ESRRB: variants seen among roughly 807,000 people sequenced by gnomAD.
The protein encoded by ESRRB is steroid hormone receptor ERR2.
A neutral mutation model predicts 46.0 loss-of-function variants in ESRRB; 16 were observed. The ratio of observed to expected loss-of-function variants is 0.35; its 90% CI spans 0.24 to 0.53. The LOEUF (loss-of-function observed/expected upper bound fraction) is 0.53, where lower values mean the gene tolerates loss of function less well. Ranked by LOEUF, ESRRB falls within the 20% of genes least tolerant of loss-of-function variation. ESRRB has a pLI of 0.93. For synonymous variants in ESRRB, 246 were observed against 259.6 expected (o/e 0.95, Z 0.50); for missense variants, 488 against 607.4 (o/e 0.80, Z 2.07).
At position 76,491,455 on chromosome 14, in the gene ESRRB, A is replaced by G. The variant is rs1340219544; in HGVS notation, c.859A>G (p.Ser287Gly). The change falls in exon 6 of 7, where the codon AGC becomes GGC. Residue 287 changes from serine to glycine, a missense_variant. Transcript: ENST00000644823. ...GWAKHIPGFS[S>G]LSLGDQMSLL... is the part of the protein sequence containing the mutation. ...GCCCCCTCTTCCTGCAGGCTTCTCA[A>G]GCCTCTCCCTGGGGGACCAGATGAG... 3 of 1,608,698 alleles carry G rather than the reference A, an allele frequency of 1.9e-6. No homozygotes were observed. The highest frequency in any genetic ancestry group is 1.3e-5 in the African/African-American group (1 of 74,872).
intron 1 of ESRRB, among the ~76,000 whole-genome samples, chr14:76,355,982 C>T (rs1197207679): frequency 5.3e-5 from 8 of 152,236 alleles, no homozygotes; most frequent in Non-Finnish European, 8.8e-5. Context: ...GCAGGGGACT[C>T]TCTGGGCTCC....
intron 3 of ESRRB, among the ~76,000 whole-genome samples, chr14:76,466,711 G>T (rs181944422): frequency 6.6e-6 from 1 of 150,958 alleles, no homozygotes; most frequent in Non-Finnish European, 1.5e-5. Context: ...ATTTTTGCCC[G>T]TGTAATTTTT....
chr14:76,394,433 T>C (rs985448500), intron 1 of ESRRB, among the ~76,000 whole-genome samples: 3 of 152,238 alleles, frequency 2.0e-5, no homozygotes, highest in African/African-American at 7.2e-5. Flanking sequence ...TCCCTCTTTC[T>C]GGGCCTTTTG....
chr14:76,333,993 G>A (rs1364666753), intron 1 of ESRRB, among the ~76,000 whole-genome samples: 1 of 152,120 alleles, frequency 6.6e-6, no homozygotes, highest in Non-Finnish European at 1.5e-5. Flanking sequence ...TCTGTAAAAT[G>A]GGGCAGGAAT....
chr14:76,485,028 C>T (rs1051846618), intron 5 of ESRRB, among the ~76,000 whole-genome samples: 1 of 152,060 alleles, frequency 6.6e-6, no homozygotes, highest in Admixed American at 6.5e-5. Context: ...TGTCCAAAGC[C>T]GGATTCTTTT....
At chr14:76,382,530 G>C (rs938841844) in intron 1 of ESRRB, among the ~76,000 whole-genome samples, 1 of 152,244 alleles carries the variant, frequency 6.6e-6, no homozygotes, top group South Asian at 2.1e-4. Context: ...GGGCCATTCT[G>C]TTCCAGGTTC....
intron 1 of ESRRB, among the ~76,000 whole-genome samples, chr14:76,409,708 G>T (rs1206467269): frequency 1.3e-5 from 2 of 151,970 alleles, no homozygotes; most frequent in Non-Finnish European, 2.9e-5. Context: ...GGGAGCCAGG[G>T]CCCCCCTAAT....
At chr14:76,475,689 A>G (rs1226574689) in intron 3 of ESRRB, among the ~76,000 whole-genome samples, 1 of 152,140 alleles carries the variant, frequency 6.6e-6, no homozygotes, top group African/African-American at 2.4e-5. Context: ...TCCCCACACT[A>G]CACAGATGTA....
At chr14:76,368,567 T>G (rs1436890266), upstream of ESRRB, among the ~76,000 whole-genome samples, 1 of 152,114 alleles carries the variant, frequency 6.6e-6, no homozygotes, top group Admixed American at 6.5e-5. Flanking sequence ...CCATATTAAA[T>G]CTTGTAGTGG....
intron 1 of ESRRB, among the ~76,000 whole-genome samples, chr14:76,341,271 C>T (rs932242016): frequency 6.6e-6 from 1 of 152,270 alleles, no homozygotes; most frequent in African/African-American, 2.4e-5. Context: ...CCAGCTCTCC[C>T]TCAGCTGGTT....
At chr14:76,436,163 G>C (rs545733971) in intron 1 of ESRRB, among the ~76,000 whole-genome samples, 36 of 152,224 alleles carry the variant, frequency 2.4e-4, no homozygotes, top group Non-Finnish European at 5.1e-4. Context: ...AGGAAACCAA[G>C]GCTTGGGGAG....
At chr14:76,404,754 A>G (rs1886101930) in intron 1 of ESRRB, among the ~76,000 whole-genome samples, 1 of 152,208 alleles carries the variant, frequency 6.6e-6, no homozygotes, top group Non-Finnish European at 1.5e-5. Flanking sequence ...ATCATTTGGA[A>G]CCAAGAAGAT....
chr14:76,438,988 G>C (rs1044064785), intron 1 of ESRRB, among the ~76,000 whole-genome samples: 51 of 151,228 alleles, frequency 3.4e-4, no homozygotes, highest in Admixed American at 9.8e-4. Context: ...TTTAACAGAT[G>C]GGGTCTCCCT....
In ESRRB at chr14:76,340,017, C is replaced by G. The variant is rs368302358; in HGVS notation, c.2+29101C>G. ...ATTAGACACGTCCGAGAGGGCAGTTCCATCTCGGGGCAGGCGGCAATCTTT... is the reference window on the plus strand; with the variant it reads ...ATTAGACACGTCCGAGAGGGCAGTTGCATCTCGGGGCAGGCGGCAATCTTT... On this transcript the variant is annotated intron_variant, in intron 1 of 6. Transcript: ENST00000512784. Among the ~76,000 whole-genome samples the G allele has an allele frequency of 1.0e-3, 159 of 152,222 alleles. 5 individuals are homozygous for G. The South Asian group carries it at 0.031, about 30-fold the overall frequency.
At chr14:76,488,583 C>G (rs1890104173) in intron 5 of ESRRB, among the ~76,000 whole-genome samples, 3 of 152,222 alleles carry the variant, frequency 2.0e-5, no homozygotes, top group Admixed American at 2.0e-4. Flanking sequence ...TGTCCATTCT[C>G]TCTCTCCTTT....
At chr14:76,384,929 C>T (rs1885159635) in intron 1 of ESRRB, among the ~76,000 whole-genome samples, 2 of 152,258 alleles carry the variant, frequency 1.3e-5, no homozygotes, top group South Asian at 4.2e-4. Flanking sequence ...GGGAGGTCAT[C>T]AGGGAACTGA....
intron 2 of ESRRB, among the ~76,000 whole-genome samples, chr14:76,442,509 TAAA>T (rs1330268856): frequency 6.6e-6 from 1 of 151,976 alleles, no homozygotes; most frequent in Non-Finnish European, 1.5e-5. Flanking sequence ...AAAATAAAAA[TAAA>T]AAGTGAGATA....
intron 1 of ESRRB, among the ~76,000 whole-genome samples, chr14:76,314,611 A>T (rs552975828): frequency 6.6e-6 from 1 of 152,192 alleles, no homozygotes; most frequent in Non-Finnish European, 1.5e-5. Context: ...TTGGGTCTGA[A>T]TCCCTTGGTT....
rs193063595 is a variant in ESRRB, at chr14:76,352,477, T to G, written c.2+41561T>G. Reference sequence around the variant, plus strand: ...CAGGGAGCTGCTAGTGAGAAAGTGATCAAGCCTCAAGCGGACCTGGGAGAC... The same window carrying G: ...CAGGGAGCTGCTAGTGAGAAAGTGAGCAAGCCTCAAGCGGACCTGGGAGAC... On this transcript the variant is annotated intron_variant, in intron 1 of 6. Coordinates refer to the ESRRB transcript ENST00000512784. Among the ~76,000 whole-genome samples the G allele has an allele frequency of 3.3e-5, 5 of 152,242 alleles. No individual in the cohort carries two copies. In the East Asian group the frequency reaches 9.7e-4, roughly 29 times the overall value.
Sources: gnomAD v4.1 joint callset for allele counts (sites outside exome capture counted in the v4.1 genomes callset) on GRCh38, gnomAD v4.1.1 for gene constraint, MANE v1.5 for transcripts, NCBI Gene and HGNC (gene_info 2026-07-23, HGNC 2026-07-21) for gene names.